The following SYN3 variants were observed in gnomAD, a reference collection of about 807,000 sequenced individuals.
SYN3 encodes the protein synapsin III.
SYN3 carries 35 observed loss-of-function variants against 65.8 expected under a neutral mutation model. That is an observed-to-expected ratio of 0.53 (90% CI 0.41 to 0.70). SYN3 has a LOEUF of 0.70. Among genes scored for constraint, SYN3 ranks in the 30% least tolerant of loss-of-function variants. The pLI is 0.00. For synonymous variants in SYN3, 270 were observed against 292.9 expected, an observed-to-expected ratio of 0.92 and a Z score of 0.80; for missense variants, 680 against 749.0, an observed-to-expected ratio of 0.91 and a Z score of 1.08.
chr22:32,859,447 A>G, intron 6 of SYN3: 1 of 1,527,958 alleles, frequency 6.5e-7, no homozygotes, highest in East Asian at 2.4e-5. Flanking sequence ...AACTCTTCCC[A>G]GATGATGACA....
At chr22:32,805,897 C>A (rs1252288182) in intron 6 of SYN3, among the ~76,000 whole-genome samples, 1 of 151,742 alleles carries the variant, frequency 6.6e-6, no homozygotes, top group Non-Finnish European at 1.5e-5. Flanking sequence ...ATGAAGATAG[C>A]CAAAATGGCC....
chr22:32,825,267 A>T (rs2047368378), intron 6 of SYN3, among the ~76,000 whole-genome samples: 1 of 152,174 alleles, frequency 6.6e-6, no homozygotes, highest in Non-Finnish European at 1.5e-5. Context: ...CTGGCGGAAG[A>T]TCTGCTGACT....
intron 6 of SYN3, among the ~76,000 whole-genome samples, chr22:32,637,630 C>CTTTTTTTTTTTTTT (rs1185407986): frequency 2.5e-3 from 231 of 93,554 alleles, no homozygotes; most frequent in East Asian, 5.7e-3. Flanking sequence ...TTTTCTTTTT[C>CTTTTTTTTTTTTTT]TTTTTTTTTT....
At chr22:32,900,937 T>A (rs2049742378) in intron 4 of SYN3, among the ~76,000 whole-genome samples, 1 of 152,218 alleles carries the variant, frequency 6.6e-6, no homozygotes, top group Non-Finnish European at 1.5e-5. Context: ...CGGAAATATT[T>A]GGTTTACTGA....
chr22:32,749,669 C>T (rs988157150), intron 6 of SYN3, among the ~76,000 whole-genome samples: 3 of 152,096 alleles, frequency 2.0e-5, no homozygotes, highest in African/African-American at 4.8e-5. Context: ...AAAAATTCAA[C>T]ATATACATTT....
intron 1 of SYN3, among the ~76,000 whole-genome samples, chr22:33,044,108 C>G (rs1008639418): frequency 6.6e-6 from 1 of 151,836 alleles, no homozygotes; most frequent in African/African-American, 2.4e-5. Flanking sequence ...ATGCAACAAC[C>G]TAGCAGTTAG....
In SYN3 at chr22:32,997,916, A is replaced by C. The variant is rs188799072; in HGVS notation, c.311+8436T>G. Among the ~76,000 whole-genome samples, 496 of 151,648 alleles carry C rather than the reference A, an allele frequency of 3.3e-3. 4 individuals carry two copies. The highest frequency in any genetic ancestry group is 4.9e-3 in the Non-Finnish European group (335 of 67,942). On this transcript the variant is annotated intron_variant, in intron 2 of 13. Coordinates refer to ENST00000358763, the MANE Select transcript of SYN3 (RefSeq NM_003490.4). ...GTGGTGGGCGCCTGTAGTCCCAGCT[A>C]CTCAGGAGGCTGAGGCAGGAGAAGG... is the stretch of plus-strand genomic sequence containing the variant.
At chr22:32,845,533 C>G (rs1346342544) in intron 6 of SYN3, among the ~76,000 whole-genome samples, 1 of 152,144 alleles carries the variant, frequency 6.6e-6, no homozygotes, top group African/African-American at 2.4e-5. Flanking sequence ...GACTAGCCAT[C>G]AGTGGAAGCG....
chr22:32,700,007 T>C (rs1421056858), intron 6 of SYN3, among the ~76,000 whole-genome samples: 1 of 152,174 alleles, frequency 6.6e-6, no homozygotes, highest in Non-Finnish European at 1.5e-5. Flanking sequence ...CTCTCAATAT[T>C]ATACAATGAA....
At chr22:32,567,811 A>G (rs1308538999) in intron 7 of SYN3, among the ~76,000 whole-genome samples, 4 of 152,034 alleles carry the variant, frequency 2.6e-5, no homozygotes, top group African/African-American at 9.7e-5. Flanking sequence ...TGCTGTTTTT[A>G]CTTTCCTATA....
At chr22:33,032,911 T>C (rs186549691) in intron 1 of SYN3, among the ~76,000 whole-genome samples, 5 of 152,234 alleles carry the variant, frequency 3.3e-5, no homozygotes, top group Admixed American at 3.3e-4. Flanking sequence ...CCTGTTTCCA[T>C]GAAATGTATG....
chr22:32,966,287 A>G (rs1208986706), intron 3 of SYN3, among the ~76,000 whole-genome samples: 1 of 152,206 alleles, frequency 6.6e-6, no homozygotes, highest in East Asian at 1.9e-4. Flanking sequence ...TGAAGAATCT[A>G]TGGCAAAATC....
chr22:33,007,928 T>TTG, intron 1 of SYN3, among the ~76,000 whole-genome samples: 1 of 145,786 alleles, frequency 6.9e-6, no homozygotes, highest in Non-Finnish European at 1.5e-5. Context: ...TTTGTTAAGA[T>TTG]TATTATATAC....
chr22:32,672,668 A>G (rs2060387240), intron 6 of SYN3, among the ~76,000 whole-genome samples: 1 of 152,148 alleles, frequency 6.6e-6, no homozygotes, highest in South Asian at 2.1e-4. Flanking sequence ...TTGAGCTGGC[A>G]CCTTCCTGCG....
chr22:32,755,749 C>A (rs2045270244), intron 6 of SYN3, among the ~76,000 whole-genome samples: 3 of 152,208 alleles, frequency 2.0e-5, no homozygotes, highest in Admixed American at 1.3e-4. Flanking sequence ...CAACTTCTCA[C>A]ACACCAATGC....
intron 7 of SYN3, among the ~76,000 whole-genome samples, chr22:32,566,290 A>C (rs940554472): frequency 1.3e-5 from 2 of 152,194 alleles, no homozygotes. Context: ...CTATCTCAAT[A>C]GAGGCATGTG....
At chr22:32,795,903 C>T (rs2046417301) in intron 6 of SYN3, among the ~76,000 whole-genome samples, 2 of 152,150 alleles carry the variant, frequency 1.3e-5, no homozygotes, top group South Asian at 4.1e-4. Flanking sequence ...CTGAAGAAAG[C>T]TCATGTGCCT....
At chr22:32,733,261 A>G (rs909229629) in intron 6 of SYN3, among the ~76,000 whole-genome samples, 3 of 152,174 alleles carry the variant, frequency 2.0e-5, no homozygotes, top group Non-Finnish European at 4.4e-5. Context: ...ATCTTACCCA[A>G]CCAGGATTTG....
intron 13 of SYN3, among the ~76,000 whole-genome samples, chr22:32,515,033 A>T (rs2057748962): frequency 6.6e-6 from 1 of 151,988 alleles, no homozygotes; most frequent in Admixed American, 6.5e-5. Flanking sequence ...AACAAAACAA[A>T]AACTGGGGAC....
Sources: gnomAD v4.1 joint callset for allele counts (sites outside exome capture counted in the v4.1 genomes callset) on GRCh38, gnomAD v4.1.1 for gene constraint, MANE v1.5 for transcripts, NCBI Gene and HGNC (gene_info 2026-07-23, HGNC 2026-07-21) for gene names.